Variants in IGSF21 observed in about 807,000 individuals in gnomAD.
The protein encoded by IGSF21 is immunoglobin superfamily member 21.
In IGSF21, 28 loss-of-function variants were observed where a neutral mutation model predicts 46.8. The observed-to-expected ratio is 0.60, with a 90% CI of 0.44 to 0.82. IGSF21 has a LOEUF of 0.82. Among genes scored for constraint, IGSF21 ranks in the 40% least tolerant of loss-of-function variants. The pLI is 0.00. For missense variants in IGSF21, 624 were observed against 665.5 expected (o/e 0.94, Z 0.69); for synonymous variants, 284 against 273.6 (o/e 1.04, Z -0.38).
rs1249548938 is a variant in IGSF21 at position 18,109,381 on chromosome 1, G to A, written c.70+1183G>A. On this transcript the variant is annotated intron_variant, in intron 1 of 9. Transcript: ENST00000251296. The surrounding 1 kb of genome is among the most constrained non-coding windows in gnomAD (Gnocchi z 4.8). Reference sequence around the variant, plus strand: ...GCGGGACGCGAGGTGCCAAAAAGTCGTCTTTATGATCAATAAGGTCTCGAC... The same window carrying A: ...GCGGGACGCGAGGTGCCAAAAAGTCATCTTTATGATCAATAAGGTCTCGAC... 1 of 152,098 alleles carries A rather than the reference G, an allele frequency of 6.6e-6. No homozygotes were observed. Among genetic ancestry groups the A allele is most frequent in the South Asian group, 2.1e-4 (1 of 4,818 alleles). The allele number at this position is 152,098 out of a possible 1,614,324, so 9.4% of individuals were successfully genotyped here. A position where few individuals can be genotyped will look rare whatever the true frequency, so the allele number is the denominator to read the frequency against.
In IGSF21 at chr1:18,345,166, G is replaced by A. The variant is rs2085880375; in HGVS notation, c.424+10156G>A. Among the ~76,000 whole-genome samples, 5 of 152,300 alleles carry A rather than the reference G, an allele frequency of 3.3e-5. No individual in the cohort carries two copies. In the South Asian group the frequency reaches 8.3e-4, roughly 25 times the overall value. ...CACTCCTTCTTACCAGTCTGGGTGA[G>A]TGACATGCAGATGCCCAGCCCCTCC... On this transcript the variant is annotated intron_variant, in intron 4 of 9. Coordinates refer to ENST00000251296, the MANE Select transcript of IGSF21 (RefSeq NM_032880.5).
At position 18,267,533 on chromosome 1, in the gene IGSF21, G is replaced by C. The variant is rs544182986; in HGVS notation, c.184-24333G>C. 5.3e-5 allele frequency among the ~76,000 whole-genome samples: 8 copies of C among 152,320 alleles called. No individual in the cohort carries two copies. In the East Asian group the frequency reaches 9.6e-4, roughly 18 times the overall value. On this transcript the variant is annotated intron_variant, in intron 2 of 9. Transcript: ENST00000251296. Reference sequence around the variant, plus strand: ...GCCACTATGGAAAAAGACATTTCTAGGCTCAGAGGGAGAGTGGAAAGAGGT... The same window carrying C: ...GCCACTATGGAAAAAGACATTTCTACGCTCAGAGGGAGAGTGGAAAGAGGT...
At chr1:18,218,699 C>A (rs553097733) in intron 1 of IGSF21, among the ~76,000 whole-genome samples, 24 of 152,136 alleles carry the variant, frequency 1.6e-4, no homozygotes, top group South Asian at 6.2e-4. Context: ...TACACACACA[C>A]AAAAAACCCA....
At chr1:18,207,337 C>T (rs78937056) in intron 1 of IGSF21, among the ~76,000 whole-genome samples, 1 of 152,146 alleles carries the variant, frequency 6.6e-6, no homozygotes, top group Non-Finnish European at 1.5e-5. Flanking sequence ...TGTCATGTAA[C>T]ATTACATGAT....
At chr1:18,147,367 C>T (rs1329965240) in intron 1 of IGSF21, among the ~76,000 whole-genome samples, 1 of 152,106 alleles carries the variant, frequency 6.6e-6, no homozygotes, top group Non-Finnish European at 1.5e-5. Context: ...TTCTCCCAAG[C>T]GTGCTTGTCC....
chr1:18,282,123 C>T (rs1270580485), intron 2 of IGSF21, among the ~76,000 whole-genome samples: 3 of 152,096 alleles, frequency 2.0e-5, no homozygotes, highest in Admixed American at 6.5e-5. Context: ...CAGTTGATGG[C>T]CCCCTGGGAA....
At chr1:18,115,874 A>AAAGG (rs2086184637) in intron 1 of IGSF21, 1 of 120,530 alleles carries the variant, frequency 8.3e-6, no homozygotes, top group African/African-American at 3.1e-5. Context: ...AGAAAGAAAG[A>AAAGG]AAGAAAGAAA....
chr1:18,301,320 T>TTTTGTTTG (rs71575879), intron 3 of IGSF21, among the ~76,000 whole-genome samples: 156 of 150,716 alleles, frequency 1.0e-3, no homozygotes, highest in African/African-American at 3.7e-3. Flanking sequence ...ATGGTAATTG[T>TTTTGTTTG]TTTGTTTGTT....
intron 3 of IGSF21, among the ~76,000 whole-genome samples, chr1:18,300,172 GTTGC>G (rs2085347623): frequency 6.6e-6 from 1 of 152,236 alleles, no homozygotes; most frequent in Non-Finnish European, 1.5e-5. Context: ...CACCTTGGAA[GTTGC>G]TTTAAAATAC....
intron 1 of IGSF21, among the ~76,000 whole-genome samples, chr1:18,135,981 G>A (rs1249174168): frequency 6.6e-6 from 1 of 152,184 alleles, no homozygotes; most frequent in Non-Finnish European, 1.5e-5. Flanking sequence ...GTATCTCATT[G>A]TGGTTTTGAT....
intron 1 of IGSF21, among the ~76,000 whole-genome samples, chr1:18,178,328 G>A (rs1447958651): frequency 6.6e-6 from 1 of 152,126 alleles, no homozygotes; most frequent in South Asian, 2.1e-4. Flanking sequence ...ACCATAAAGA[G>A]GTCCCTTGGC....
intron 1 of IGSF21, chr1:18,111,203 A>G (rs1302421015): frequency 2.0e-5 from 3 of 152,154 alleles, no homozygotes; most frequent in African/African-American, 7.2e-5. Flanking sequence ...TCCAGCCCCA[A>G]CTGGGGGAGT....
At chr1:18,339,964 G>T (rs2085814992) in intron 4 of IGSF21, among the ~76,000 whole-genome samples, 1 of 152,068 alleles carries the variant, frequency 6.6e-6, no homozygotes, top group Non-Finnish European at 1.5e-5. Flanking sequence ...AGCAGACCTG[G>T]GTCCAAATCC....
intron 2 of IGSF21, among the ~76,000 whole-genome samples, chr1:18,274,226 A>G (rs1403820338): frequency 1.3e-5 from 2 of 152,190 alleles, no homozygotes; most frequent in East Asian, 3.9e-4. Flanking sequence ...GCAAAGGCCT[A>G]TGAAGGCTAT....
chr1:18,198,152 T>G (rs1252175011), intron 1 of IGSF21, among the ~76,000 whole-genome samples: 1 of 152,242 alleles, frequency 6.6e-6, no homozygotes, highest in African/African-American at 2.4e-5. Flanking sequence ...ATAAAGATGA[T>G]GTACACAGTA....
intron 4 of IGSF21, among the ~76,000 whole-genome samples, chr1:18,360,614 C>T (rs777599303): frequency 6.6e-6 from 1 of 152,174 alleles, no homozygotes. Flanking sequence ...TCTTTATTTT[C>T]TCTGCTTCCC....
At chr1:18,355,928 C>T (rs909781805) in intron 4 of IGSF21, among the ~76,000 whole-genome samples, 13 of 149,978 alleles carry the variant, frequency 8.7e-5, no homozygotes, top group Non-Finnish European at 1.0e-4. Context: ...CTCCGCCTTC[C>T]GGGTTCAAGC....
chr1:18,135,312 C>A (rs1217435463), intron 1 of IGSF21, among the ~76,000 whole-genome samples: 1 of 151,954 alleles, frequency 6.6e-6, no homozygotes, highest in African/African-American at 2.4e-5. Flanking sequence ...GCACAACATG[C>A]AGGTTAGTTA....
At chr1:18,168,682 C>T (rs899627614) in intron 1 of IGSF21, among the ~76,000 whole-genome samples, 1 of 152,226 alleles carries the variant, frequency 6.6e-6, no homozygotes, top group African/African-American at 2.4e-5. Context: ...CGCTCCCTAT[C>T]CGAATTAACC....
Sources: gnomAD v4.1 joint callset for allele counts (sites outside exome capture counted in the v4.1 genomes callset) on GRCh38, gnomAD v4.1.1 for gene constraint, Gnocchi (gnomAD v3.1) non-coding constraint, MANE v1.5 for transcripts, NCBI Gene and HGNC (gene_info 2026-07-23, HGNC 2026-07-21) for gene names.